Variants in PPP1R16B observed in about 807,000 individuals in gnomAD.
The protein encoded by PPP1R16B is protein phosphatase 1 regulatory subunit 16B.
In PPP1R16B, 14 loss-of-function variants were observed where a neutral mutation model predicts 61.7. The observed-to-expected ratio is 0.23, with a 90% CI of 0.15 to 0.35. PPP1R16B has a LOEUF of 0.35. PPP1R16B is among the 10% of genes least tolerant of loss of function. The probability of loss-of-function intolerance (pLI) is 1.00; values close to 1 mark genes in which losing one functional copy is unlikely to be tolerated. For missense variants in PPP1R16B, 547 were observed against 752.5 expected (o/e 0.73, Z 3.19); for synonymous variants, 266 against 305.3 (o/e 0.87, Z 1.34).
At chr20:38,835,354 C>G (rs1380161014) in intron 1 of PPP1R16B, among the ~76,000 whole-genome samples, 1 of 152,210 alleles carries the variant, frequency 6.6e-6, no homozygotes, top group Non-Finnish European at 1.5e-5. Flanking sequence ...TGCACCCCTT[C>G]TGATTCCAGC....
intron 1 of PPP1R16B, among the ~76,000 whole-genome samples, chr20:38,812,513 T>A (rs2084707826): frequency 6.6e-6 from 1 of 152,212 alleles, no homozygotes; most frequent in Admixed American, 6.5e-5. Flanking sequence ...CTTGTTTTCT[T>A]TGGACCGTTT....
At chr20:38,857,908 C>A (rs371401796) in intron 2 of PPP1R16B, among the ~76,000 whole-genome samples, 28 of 151,630 alleles carry the variant, frequency 1.8e-4, no homozygotes, top group African/African-American at 5.8e-4. Flanking sequence ...TTATCTGAGG[C>A]GGCCAGAAAA....
intron 10 of PPP1R16B, among the ~76,000 whole-genome samples, chr20:38,915,671 G>T (rs568620512): frequency 6.6e-6 from 1 of 152,106 alleles, no homozygotes; most frequent in African/African-American, 2.4e-5. Context: ...TTTTCTTTTA[G>T]TAGACACAAG....
In PPP1R16B at chr20:38,918,484, A is replaced by G. The variant is rs1365587354; in HGVS notation, c.1522A>G (p.Arg508Gly). The change falls in exon 11 of 11, where the codon AGG becomes GGG. Residue 508 changes from arginine (R) to glycine (G), a missense_variant. Transcript: ENST00000299824. This position sits in a 1 kb window ranked among gnomAD's most constrained non-coding sequence, Gnocchi z 5.3. ...LSTHLGSSMA[R>G]TGESSSEGKA... ...CACACACCTGGGCAGCAGCATGGCC[A>G]GGACGGGCGAGAGTAGCAGTGAAGG... is the stretch of plus-strand genomic sequence containing the variant. The G allele has an allele frequency of 1.2e-5, 19 of 1,612,128 alleles. No individual in the cohort carries two copies. The Admixed American group carries it at 3.2e-4, about 27-fold the overall frequency.
rs747496859 is a variant in PPP1R16B at position 38,918,700 on chromosome 20, A to C, written c.*34A>C. Reference sequence around the variant, plus strand: ...TGATGGAGGAGGGAGATGCCTGGGGAGGGGCTCCTGGAATCCAGGCCAGCC... The same window carrying C: ...TGATGGAGGAGGGAGATGCCTGGGGCGGGGCTCCTGGAATCCAGGCCAGCC... On this transcript the variant is annotated 3_prime_UTR_variant, in exon 11 of 11. Transcript: ENST00000299824. The surrounding 1 kb of genome is among the most constrained non-coding windows in gnomAD (Gnocchi z 5.3). 5 of 1,487,278 alleles carry C rather than the reference A, an allele frequency of 3.4e-6. No individual in the cohort carries two copies. The South Asian group carries it at 7.1e-5, about 21-fold the overall frequency. The allele number at this position is 1,487,278 out of a possible 1,614,324, so 92.1% of individuals were successfully genotyped here.
At chr20:38,911,230 G>A (rs1465749915) in intron 10 of PPP1R16B, among the ~76,000 whole-genome samples, 2 of 146,972 alleles carry the variant, frequency 1.4e-5, no homozygotes, top group Non-Finnish European at 3.0e-5. Context: ...GCATTGGCGC[G>A]ATCTCGGCTC....
At chr20:38,820,648 T>C (rs2084767364) in intron 1 of PPP1R16B, among the ~76,000 whole-genome samples, 1 of 152,118 alleles carries the variant, frequency 6.6e-6, no homozygotes, top group South Asian at 2.1e-4. Context: ...TTATAAGACA[T>C]TGCTGAACAG....
intron 2 of PPP1R16B, among the ~76,000 whole-genome samples, chr20:38,853,897 G>T (rs2084985260): frequency 6.6e-6 from 1 of 152,168 alleles, no homozygotes. Flanking sequence ...CAATGCACAA[G>T]TATTTATCCA....
chr20:38,846,036 G>A (rs6028160), intron 2 of PPP1R16B, among the ~76,000 whole-genome samples: 6,525 of 152,164 alleles, frequency 0.043, 156 homozygotes, highest in Non-Finnish European at 0.06. Flanking sequence ...ATGGCTTTTG[G>A]GTTTTTGGCT....
chr20:38,831,642 G>C (rs1023164561), intron 1 of PPP1R16B, among the ~76,000 whole-genome samples: 1 of 151,674 alleles, frequency 6.6e-6, no homozygotes, highest in African/African-American at 2.4e-5. Flanking sequence ...GGGACAGCCC[G>C]ACTCTACACC....
chr20:38,917,173 G>A (rs922594259), intron 10 of PPP1R16B, among the ~76,000 whole-genome samples: 1 of 151,980 alleles, frequency 6.6e-6, no homozygotes, highest in Non-Finnish European at 1.5e-5. Context: ...GTACGTGCCT[G>A]TAATCCCAGC....
intron 10 of PPP1R16B, among the ~76,000 whole-genome samples, chr20:38,911,271 G>A (rs549348741): frequency 4.0e-5 from 6 of 149,458 alleles, no homozygotes; most frequent in South Asian, 2.1e-4. Flanking sequence ...GGTTCATGCC[G>A]TTCTCCTGCC....
chr20:38,888,927 A>C lies in PPP1R16B; in HGVS notation c.251-668A>C, dbSNP rs57693551. On this transcript the variant is annotated intron_variant, in intron 2 of 10. Coordinates refer to ENST00000299824, the MANE Select transcript of PPP1R16B (RefSeq NM_015568.4). The stretch of plus-strand genomic sequence containing the variant: ...CACACACACACACACACACACACAC[A>C]CCCCTAGACAAAATTCTAGGGATTG... Among the ~76,000 whole-genome samples, 97 of 130,064 alleles carry C rather than the reference A, an allele frequency of 7.5e-4. No individual in the cohort carries two copies. In the Middle Eastern group the frequency reaches 0.016, roughly 21 times the overall value. The allele number at this position is 130,064 out of a possible 152,430, so 85.3% of individuals were successfully genotyped here.
intron 1 of PPP1R16B, among the ~76,000 whole-genome samples, chr20:38,817,356 A>C (rs1209181827): frequency 1.3e-5 from 2 of 152,072 alleles, no homozygotes; most frequent in African/African-American, 4.8e-5. Context: ...TTAGGTCAGG[A>C]GTTCAAGACC....
In PPP1R16B at chr20:38,806,208, C is replaced by A. The variant is rs75499349; in HGVS notation, c.-102+416C>A. 9.9e-5 allele frequency among the ~76,000 whole-genome samples: 15 copies of A among 152,048 alleles called. No homozygotes were observed. Among genetic ancestry groups the A allele is most frequent in the Admixed American group, 9.8e-4 (15 of 15,278 alleles). The stretch of plus-strand genomic sequence containing the variant: ...CCACAGCGGACACCAAACAACCCCC[C>A]CCCGCGCACTCTCCCGGCCGGGCAT... On this transcript the variant is annotated intron_variant, in intron 1 of 10. Transcript: ENST00000299824. This position sits in a 1 kb window ranked among gnomAD's most constrained non-coding sequence, Gnocchi z 4.5.
chr20:38,825,077 T>C (rs1238636552), intron 1 of PPP1R16B, among the ~76,000 whole-genome samples: 1 of 152,218 alleles, frequency 6.6e-6, no homozygotes, highest in Admixed American at 6.5e-5. Flanking sequence ...TTAGGGATAT[T>C]TGAGGTTTCT....
At chr20:38,853,890 T>C (rs574588778) in intron 2 of PPP1R16B, among the ~76,000 whole-genome samples, 1 of 152,280 alleles carries the variant, frequency 6.6e-6, no homozygotes, top group South Asian at 2.1e-4. Flanking sequence ...TAAGCCCCAA[T>C]GCACAAGTAT....
intron 7 of PPP1R16B, among the ~76,000 whole-genome samples, 189 bp downstream of exon 7, chr20:38,906,283 GTTT>G (rs907617949): frequency 9.9e-6 from 1 of 101,246 alleles, no homozygotes. Flanking sequence ...AGCAAGTTGT[GTTT>G]TTTTTTTTTT....
At chr20:38,855,731 C>T (rs1364888365) in intron 2 of PPP1R16B, among the ~76,000 whole-genome samples, 2 of 151,452 alleles carry the variant, frequency 1.3e-5, no homozygotes, top group Non-Finnish European at 2.9e-5. Context: ...GCCATGCCAC[C>T]CACCCAGTGG....
Sources: gnomAD v4.1 joint callset for allele counts (sites outside exome capture counted in the v4.1 genomes callset) on GRCh38, gnomAD v4.1.1 for gene constraint, Gnocchi (gnomAD v3.1) non-coding constraint, MANE v1.5 for transcripts, NCBI Gene and HGNC (gene_info 2026-07-23, HGNC 2026-07-21) for gene names.